The following MYO10 variants were observed in gnomAD, a reference collection of about 807,000 sequenced individuals.
The protein encoded by MYO10 is myosin X.
Under a neutral mutation model 257.3 loss-of-function variants are expected in MYO10, and 133 were observed. The observed-to-expected ratio is 0.52, with a 90% CI of 0.45 to 0.60. The LOEUF is 0.60. Ranked by LOEUF, MYO10 falls within the 20% of genes least tolerant of loss-of-function variation. The probability of loss-of-function intolerance (pLI) is 0.00; values close to 1 mark genes in which losing one functional copy is unlikely to be tolerated. For missense variants in MYO10, 2,399 were observed against 2,635.7 expected (o/e 0.91, Z 1.97); for synonymous variants, 1,104 against 1,028.6 (o/e 1.07, Z -1.40).
chr5:16,741,861 C>G, intron 19 of MYO10: 1 of 985,442 alleles, frequency 1.0e-6, no homozygotes, highest in Non-Finnish European at 1.2e-6. Flanking sequence ...GCATCTTTAG[C>G]AGTCCGGGCA....
At chr5:16,820,017 C>G (rs1240192971) in intron 2 of MYO10, among the ~76,000 whole-genome samples, 1 of 152,174 alleles carries the variant, frequency 6.6e-6, no homozygotes, top group Non-Finnish European at 1.5e-5. Flanking sequence ...TCCTAGTGGC[C>G]CCATCTCATG....
In MYO10 at chr5:16,877,700, C is replaced by T. The variant is rs776689049; in HGVS notation, c.29G>A (p.Arg10Gln). 50 of 1,612,624 alleles carry T rather than the reference C, an allele frequency of 3.1e-5. No individual in the cohort carries two copies. Among genetic ancestry groups the T allele is most frequent in the Non-Finnish European group, 3.7e-5 (44 of 1,179,318 alleles). Residue 10 changes from arginine to glutamine, a missense_variant, in exon 2 of 41, where the codon CGG becomes CAG. This residue lies in a region of MYO10 where 242 missense variants were observed against 249.5 expected (regional missense o/e 0.97). Coordinates refer to ENST00000513610, the MANE Select transcript of MYO10 (RefSeq NM_012334.3). Reference sequence around the variant, plus strand: ...CTGGCCATTTTCTCTCAGCCAGACCCGTGTTCCCTGTAAACAAAACAAACA... The same window carrying T: ...CTGGCCATTTTCTCTCAGCCAGACCTGTGTTCCCTGTAAACAAAACAAACA... MDNFFTEGTRVWLRENGQHF... is the reference protein window; with the variant it reads MDNFFTEGTQVWLRENGQHF...
intron 9 of MYO10, among the ~76,000 whole-genome samples, chr5:16,770,064 A>T (rs144484095): frequency 1.6e-3 from 236 of 152,060 alleles, no homozygotes; most frequent in African/African-American, 5.4e-3. Context: ...CACCATGCCA[A>T]GCCAAGAATT....
intron 26 of MYO10, 92 bp downstream of exon 26, chr5:16,699,358 C>G: frequency 6.7e-7 from 1 of 1,482,634 alleles, no homozygotes; most frequent in Non-Finnish European, 9.1e-7. Flanking sequence ...TACAATAACA[C>G]CTCCGTTATT....
rs192281179 is a variant in MYO10 at position 16,822,773 on chromosome 5, C to G, written c.121-4606G>C. On this transcript the variant is annotated intron_variant, in intron 2 of 40. Transcript: ENST00000513610. ...CACAATCTCGGCTCACCGCAAGCTCCGCCTCCCAGGTTCAGGCCATTCTCC... is the reference window on the plus strand; with the variant it reads ...CACAATCTCGGCTCACCGCAAGCTCGGCCTCCCAGGTTCAGGCCATTCTCC... Among the ~76,000 whole-genome samples, 1,159 of 151,810 alleles carry G rather than the reference C, an allele frequency of 7.6e-3. 10 individuals are homozygous for G. Among genetic ancestry groups the G allele is most frequent in the African/African-American group, 0.026 (1,096 of 41,412 alleles).
At chr5:16,855,685 G>A (rs750688304) in intron 2 of MYO10, among the ~76,000 whole-genome samples, 4 of 152,100 alleles carry the variant, frequency 2.6e-5, no homozygotes, top group African/African-American at 4.8e-5. Flanking sequence ...CCTGAAACTC[G>A]GGACAGCATA....
intron 3 of MYO10, among the ~76,000 whole-genome samples, chr5:16,811,637 C>A (rs1742443450): frequency 1.3e-5 from 2 of 152,188 alleles, no homozygotes; most frequent in Non-Finnish European, 1.5e-5. Context: ...GCTGCCTCAA[C>A]CTCCCCGGCT....
intron 1 of MYO10, among the ~76,000 whole-genome samples, chr5:16,910,755 G>A (rs1388490102): frequency 6.6e-6 from 1 of 152,122 alleles, no homozygotes; most frequent in Non-Finnish European, 1.5e-5. Flanking sequence ...TGGGGGTGTG[G>A]CTTCCCCAAG....
intron 2 of MYO10, among the ~76,000 whole-genome samples, chr5:16,848,151 A>ATTTTTTTTTTTTTTT (rs1561016484): frequency 1.1e-5 from 1 of 91,678 alleles, no homozygotes; most frequent in African/African-American, 6.0e-5. Flanking sequence ...AGAACTACAC[A>ATTTTTTTTTTTTTTT]TTTCTTTTTT....
At chr5:16,666,935 A>C in intron 40 of MYO10, 142 bp from the exon 41 acceptor site, 1 of 641,608 alleles carries the variant, frequency 1.6e-6, no homozygotes. Context: ...AGGAAGCCAG[A>C]AGTTTAACCA....
In MYO10 at chr5:16,701,435, G is replaced by A; in HGVS notation, c.2960C>T (p.Pro987Leu). The A allele has an allele frequency of 6.2e-7, 1 of 1,613,994 alleles. No homozygotes were observed. The highest frequency in any genetic ancestry group is 8.5e-7 in the Non-Finnish European group (1 of 1,179,894). The change falls in exon 25 of 41, where the codon CCC becomes CTC. Residue 987 changes from proline to leucine, a missense_variant. Pro to Leu is a moderately conservative substitution (Grantham distance 98). Coordinates refer to ENST00000513610, the MANE Select transcript of MYO10 (RefSeq NM_012334.3). The surrounding 1 kb of genome is among the most constrained non-coding windows in gnomAD (Gnocchi z 8.1). Reference sequence around the variant, plus strand: ...CTCATCGACCTCCTCCTCTGGGTAGGGCTGGCTGAAGTTGAAGTTGGGCTT... The same window carrying A: ...CTCATCGACCTCCTCCTCTGGGTAGAGCTGGCTGAAGTTGAAGTTGGGCTT... ...EEKPNFNFSQ[P>L]YPEEEVDEGF...
chr5:16,684,682 G>C (rs998831888), intron 29 of MYO10, among the ~76,000 whole-genome samples: 1 of 152,000 alleles, frequency 6.6e-6, no homozygotes, highest in African/African-American at 2.4e-5. Flanking sequence ...ATTTTCTGAT[G>C]AGGAAATAAA....
rs371195902 is a variant in MYO10, at chr5:16,703,021, C to T, written c.2414G>A (p.Arg805Gln). The T allele has an allele frequency of 4.5e-6, 7 of 1,552,600 alleles. No homozygotes were observed. The highest frequency in any genetic ancestry group is 2.7e-5 in the African/African-American group (2 of 73,052). ...TGCCAGCAATTGTCTGTAAACTCTC[C>T]GAGCAATCTGACCTCTGAGTTGCTT... is the stretch of plus-strand genomic sequence containing the variant. ...FQKQLRGQIA[R>Q]RVYRQLLAEK... The change falls in exon 23 of 41, where the codon CGG becomes CAG. Residue 805 changes from arginine (R) to glutamine (Q), a missense_variant. Around this residue, in one of 3 missense-constraint regions of MYO10, gnomAD observed 1,820 missense variants for 1,939.4 expected, o/e 0.94. Transcript: ENST00000513610.
Position 16,783,407 on chromosome 5 carries a change from A to G in MYO10, c.530T>C (p.Ile177Thr). 1 of 1,609,300 alleles carries G rather than the reference A, an allele frequency of 6.2e-7. No individual in the cohort carries two copies. Among genetic ancestry groups the G allele is most frequent in the Non-Finnish European group, 8.5e-7 (1 of 1,177,766 alleles). The change falls in exon 5 of 41, where the codon ATC becomes ACC. Residue 177 changes from isoleucine to threonine, a missense_variant. By Grantham distance (89) the Ile-to-Thr change is moderately conservative. This residue lies in a region of MYO10 where 242 missense variants were observed against 249.5 expected (regional missense o/e 0.97). Transcript: ENST00000513610. ...TKLILKFLSV[I>T]SQQSLELSLK... ...GGACAATTCCAAAGACTGTTGACTG[A>G]TGACTGACAGAAACTTGAGGATCAA...
At chr5:16,743,846 A>G (rs1740095511) in intron 19 of MYO10, among the ~76,000 whole-genome samples, 1 of 152,180 alleles carries the variant, frequency 6.6e-6, no homozygotes, top group African/African-American at 2.4e-5. Flanking sequence ...TCCTAATATC[A>G]ACTTTGGACT....
rs187946129 is a variant in MYO10 at position 16,682,200 on chromosome 5, C to T, written c.4047-187G>A. 1.3e-4 allele frequency among the ~76,000 whole-genome samples: 20 copies of T among 152,304 alleles called. No homozygotes were observed. In the East Asian group the frequency reaches 3.9e-3, roughly 29 times the overall value. ...CAGAATTTCTTTTACGCATCATTAACCTTTAAACTTGGAGCAACACATTCA... is the reference window on the plus strand; with the variant it reads ...CAGAATTTCTTTTACGCATCATTAATCTTTAAACTTGGAGCAACACATTCA... On this transcript the variant is annotated intron_variant, in intron 30 of 40. Transcript: ENST00000513610.
chr5:16,866,509 C>A (rs544803112), intron 2 of MYO10, among the ~76,000 whole-genome samples: 4 of 152,002 alleles, frequency 2.6e-5, no homozygotes, highest in Non-Finnish European at 5.9e-5. Flanking sequence ...CTAGAAACGG[C>A]AATTTCATAT....
intron 21 of MYO10, among the ~76,000 whole-genome samples, 189 bp from the exon 22 acceptor site, chr5:16,704,874 C>T (rs1738258776): frequency 1.3e-5 from 2 of 152,082 alleles, no homozygotes; most frequent in Admixed American, 6.5e-5. Flanking sequence ...TTGCAAAATC[C>T]AATAAAGATA....
intron 39 of MYO10, among the ~76,000 whole-genome samples, chr5:16,669,118 G>A (rs1736318842): frequency 6.6e-6 from 1 of 152,174 alleles, no homozygotes; most frequent in Non-Finnish European, 1.5e-5. Context: ...TGGACAAGCA[G>A]GAGGGCTATA....
Sources: gnomAD v4.1 joint callset for allele counts (sites outside exome capture counted in the v4.1 genomes callset) on GRCh38, gnomAD v4.1.1 for gene constraint, gnomAD v4.1.1 regional missense constraint, Gnocchi (gnomAD v3.1) non-coding constraint, MANE v1.5 for transcripts, NCBI Gene and HGNC (gene_info 2026-07-23, HGNC 2026-07-21) for gene names.